SLC30A8: variants seen among roughly 807,000 people sequenced by gnomAD.
SLC30A8 encodes solute carrier family 30 member 8, also known as proton-coupled zinc antiporter SLC30A8.
SLC30A8 carries 27 observed loss-of-function variants against 36.9 expected under a neutral mutation model. The observed-to-expected ratio is 0.73, with a 90% CI of 0.54 to 1.01. The LOEUF is 1.01. SLC30A8 is among the 50% of genes least tolerant of loss of function. SLC30A8 has a pLI of 0.00. For synonymous variants in SLC30A8, 164 were observed against 172.4 expected (o/e 0.95, Z 0.38); for missense variants, 439 against 452.0 (o/e 0.97, Z 0.26).
At chr8:117,154,393 A>G (rs552689005) in intron 3 of SLC30A8, among the ~76,000 whole-genome samples, 12 of 152,330 alleles carry the variant, frequency 7.9e-5, no homozygotes, top group Middle Eastern at 3.4e-3. Context: ...CTGGTTGAGA[A>G]CATCCATGTA....
At chr8:117,050,873 GT>G (rs1477772893) in intron 2 of SLC30A8, among the ~76,000 whole-genome samples, 1 of 152,236 alleles carries the variant, frequency 6.6e-6, no homozygotes, top group Non-Finnish European at 1.5e-5. Flanking sequence ...AGAGATACAG[GT>G]TCTGGTCAAC....
At position 117,157,790 on chromosome 8, in the gene SLC30A8, T is replaced by C. The variant is rs1218396380; in HGVS notation, c.518T>C (p.Ile173Thr). The change falls in exon 4 of 8, where the codon ATC becomes ACC. Residue 173 changes from isoleucine to threonine, a missense_variant. By Grantham distance (89) the Ile-to-Thr change is moderately conservative (BLOSUM62 -1). Transcript: ENST00000456015. ...CGCCTGCTGTATCCTGATTACCAGATCCAGGCGACTGTGATGATCATCGTT... is the reference window on the plus strand; with the variant it reads ...CGCCTGCTGTATCCTGATTACCAGACCCAGGCGACTGTGATGATCATCGTT... ...CERLLYPDYQ[I>T]QATVMIIVSS... 1 of 1,614,020 alleles carries C rather than the reference T, an allele frequency of 6.2e-7. No individual in the cohort carries two copies. The highest frequency in any genetic ancestry group is 8.5e-7 in the Non-Finnish European group (1 of 1,180,022).
intron 2 of SLC30A8, among the ~76,000 whole-genome samples, chr8:117,079,259 C>G (rs1213406514): frequency 2.6e-5 from 4 of 152,132 alleles, no homozygotes; most frequent in African/African-American, 9.7e-5. Flanking sequence ...ATCTGCCTGT[C>G]TCGGCCCCCT....
At chr8:117,059,850 A>T (rs1297721231) in intron 2 of SLC30A8, among the ~76,000 whole-genome samples, 2 of 152,180 alleles carry the variant, frequency 1.3e-5, no homozygotes, top group East Asian at 1.9e-4. Flanking sequence ...AGCTGTGAGT[A>T]GGATGGATTA....
chr8:117,065,797 G>A (rs1818150944), intron 2 of SLC30A8, among the ~76,000 whole-genome samples: 1 of 152,174 alleles, frequency 6.6e-6, no homozygotes, highest in Admixed American at 6.5e-5. Flanking sequence ...AGTTAATACA[G>A]GCCTTGAAAA....
In SLC30A8 at chr8:117,157,825, G is replaced by A. The variant is rs767594541; in HGVS notation, c.553G>A (p.Ala185Thr). ...TGTGATGATCATCGTTTCCAGCTGC[G>A]CAGTGGCGGCCAACATTGTGTAAGT... ...ATVMIIVSSCAVAANIVLTVV... is the reference protein window; with the variant it reads ...ATVMIIVSSCTVAANIVLTVV... Residue 185 changes from alanine to threonine, a missense_variant, in exon 4 of 8, where the codon GCA (alanine) becomes ACA (threonine). Coordinates refer to ENST00000456015, the MANE Select transcript of SLC30A8 (RefSeq NM_173851.3). The A allele has an allele frequency of 1.1e-5, 18 of 1,613,932 alleles. No homozygotes were observed. The highest frequency in any genetic ancestry group is 5.5e-5 in the South Asian group (5 of 91,078).
intron 2 of SLC30A8, among the ~76,000 whole-genome samples, chr8:117,123,092 G>A (rs16889430): frequency 0.056 from 8,502 of 151,942 alleles, 639 homozygotes; most frequent in African/African-American, 0.17. Flanking sequence ...AAGTTTCTCC[G>A]TCTTCTGTCT....
At chr8:117,110,592 C>T (rs1031747463) in intron 2 of SLC30A8, among the ~76,000 whole-genome samples, 18 of 152,246 alleles carry the variant, frequency 1.2e-4, no homozygotes, top group African/African-American at 3.9e-4. Context: ...GAAGCCTTTC[C>T]TTTCAGGGGG....
intron 2 of SLC30A8, among the ~76,000 whole-genome samples, chr8:117,065,463 A>G (rs780884245): frequency 2.8e-4 from 42 of 152,204 alleles, no homozygotes; most frequent in Non-Finnish European, 5.3e-4. Flanking sequence ...GTGTCCCTAC[A>G]TACCTTAGTA....
At position 117,135,195 on chromosome 8, in the gene SLC30A8, T is replaced by C; in HGVS notation, c.-133T>C. The C allele has an allele frequency of 1.9e-6, 1 of 539,520 alleles. No individual in the cohort carries two copies. Among genetic ancestry groups the C allele is most frequent in the South Asian group, 4.1e-5 (1 of 24,124 alleles). The allele number at this position is 539,520 out of a possible 1,614,324, so 33.4% of individuals were successfully genotyped here. On this transcript the variant is annotated 5_prime_UTR_variant, in exon 1 of 8. Coordinates refer to ENST00000456015, the MANE Select transcript of SLC30A8 (RefSeq NM_173851.3). ...AACAACACTGATGTAGGAAGCTCAT[T>C]ATTTTAATTTCTGGAGCCTTTTAAT...
intron 1 of SLC30A8, among the ~76,000 whole-genome samples, chr8:116,997,092 G>A (rs1353158454): frequency 6.6e-6 from 1 of 152,002 alleles, no homozygotes; most frequent in African/African-American, 2.4e-5. Flanking sequence ...CAGAATGATA[G>A]TTGGGCACAG....
At chr8:117,145,186 T>C (rs1437833797) in intron 1 of SLC30A8, among the ~76,000 whole-genome samples, 1 of 152,136 alleles carries the variant, frequency 6.6e-6, no homozygotes, top group Non-Finnish European at 1.5e-5. Context: ...AATTCTTATT[T>C]ATTAATTATT....
chr8:117,012,221 T>C (rs1442764605), intron 1 of SLC30A8, among the ~76,000 whole-genome samples: 1 of 152,192 alleles, frequency 6.6e-6, no homozygotes, highest in African/African-American at 2.4e-5. Context: ...AGGTAAACAA[T>C]ACAGAGTTCC....
intron 6 of SLC30A8, among the ~76,000 whole-genome samples, chr8:117,166,971 A>C (rs1823089976): frequency 6.6e-6 from 1 of 152,006 alleles, no homozygotes; most frequent in South Asian, 2.1e-4. Context: ...CAAATGTCAC[A>C]GAGTAATAGT....
At chr8:117,039,451 C>T (rs749516823) in intron 2 of SLC30A8, among the ~76,000 whole-genome samples, 8 of 152,178 alleles carry the variant, frequency 5.3e-5, no homozygotes, top group South Asian at 2.1e-4. Context: ...CTACTCAGCT[C>T]TGGTGCTTCT....
At chr8:117,133,607 C>T (rs1482288859), upstream of SLC30A8, among the ~76,000 whole-genome samples, 1 of 151,828 alleles carries the variant, frequency 6.6e-6, no homozygotes. Context: ...AAAGTAGTTT[C>T]CTCATTTTCT....
At chr8:117,145,769 T>C (rs1217109098) in intron 1 of SLC30A8, among the ~76,000 whole-genome samples, 3 of 152,178 alleles carry the variant, frequency 2.0e-5, no homozygotes. Flanking sequence ...CAAAATTTCC[T>C]GGATATTTGA....
intron 2 of SLC30A8, among the ~76,000 whole-genome samples, chr8:117,104,122 C>T (rs1819863510): frequency 6.6e-6 from 1 of 152,148 alleles, no homozygotes; most frequent in Non-Finnish European, 1.5e-5. Context: ...AAAGAATGTC[C>T]AACTAGACCC....
chr8:117,083,029 C>T (rs1003611938), intron 2 of SLC30A8, among the ~76,000 whole-genome samples: 8 of 152,150 alleles, frequency 5.3e-5, no homozygotes, highest in Admixed American at 4.6e-4. Flanking sequence ...GATGTAGAAA[C>T]GAGTAGCTCC....
Sources: gnomAD v4.1 joint callset for allele counts (sites outside exome capture counted in the v4.1 genomes callset) on GRCh38, gnomAD v4.1.1 for gene constraint, MANE v1.5 for transcripts, NCBI Gene and HGNC (gene_info 2026-07-23, HGNC 2026-07-21) for gene names.